The following KLRB1 variants were observed in gnomAD, a reference collection of about 807,000 sequenced individuals.
The protein encoded by KLRB1 is killer cell lectin like receptor B1, also known as killer cell lectin-like receptor subfamily B member 1.
KLRB1 carries 27 observed loss-of-function variants against 33.5 expected under a neutral mutation model. That is an observed-to-expected ratio of 0.81 (90% CI 0.59 to 1.11). KLRB1 has a LOEUF of 1.11. Among genes scored for constraint, KLRB1 ranks in the 50% most tolerant of loss-of-function variants. The pLI, the probability that KLRB1 is intolerant of heterozygous loss-of-function variation, is 0.00. For missense variants in KLRB1, 241 were observed against 254.1 expected, an observed-to-expected ratio of 0.95 and a Z score of 0.35; for synonymous variants, 64 against 88.9, an observed-to-expected ratio of 0.72 and a Z score of 1.58.
Position 9,595,064 on chromosome 12 carries a change from G to T in KLRB1, c.*210C>A. 1 of 535,922 alleles carries T rather than the reference G, an allele frequency of 1.9e-6. No homozygotes were observed. The allele number at this position is 535,922 out of a possible 1,614,324, so 33.2% of individuals were successfully genotyped here. ...AATATCACTGTTTCTTTAAAACGATGCACGTTTTTCTCTATGTCTCTGTTT... is the reference window on the plus strand; with the variant it reads ...AATATCACTGTTTCTTTAAAACGATTCACGTTTTTCTCTATGTCTCTGTTT... On this transcript the variant is annotated 3_prime_UTR_variant, in exon 6 of 6. Coordinates refer to ENST00000229402, the MANE Select transcript of KLRB1 (RefSeq NM_002258.3).
intron 1 of KLRB1, 96 bp from the exon 2 acceptor site, chr12:9,601,695 T>G: frequency 1.3e-6 from 1 of 760,312 alleles, no homozygotes; most frequent in Non-Finnish European, 2.3e-6. Context: ...AAAAATGTAC[T>G]TGGGATAACA....
Position 9,595,338 on chromosome 12 carries a change from T to A in KLRB1, c.614A>T (p.Glu205Val). The stretch of plus-strand genomic sequence containing the variant: ...TTCTTTTTGGCAGATCCATCTGATT[T>A]CTGTACTACAGTACTCAGAATACAC... ...TSVYSEYCST[E>V]IRWICQKELT... Residue 205 changes from glutamate (E) to valine (V), a missense_variant, in exon 6 of 6, where the codon GAA becomes GTA. Physicochemically the swap from Glu to Val is moderately radical, Grantham distance 121. Coordinates refer to ENST00000229402, the MANE Select transcript of KLRB1 (RefSeq NM_002258.3). 6.2e-7 allele frequency: 1 copy of A among 1,612,578 alleles called. No homozygotes were observed. Among genetic ancestry groups the A allele is most frequent in the South Asian group, 1.1e-5 (1 of 91,058 alleles).
chr12:9,599,209 A>G (rs1864518263), intron 3 of KLRB1, among the ~76,000 whole-genome samples: 1 of 152,228 alleles, frequency 6.6e-6, no homozygotes, highest in African/African-American at 2.4e-5. Context: ...AATGTGATCT[A>G]TTGGATAGAA....
At chr12:9,597,299 A>T (rs1427322478) in intron 5 of KLRB1, among the ~76,000 whole-genome samples, 5 of 152,216 alleles carry the variant, frequency 3.3e-5, no homozygotes, top group Non-Finnish European at 7.3e-5. Flanking sequence ...ACTCATTAAA[A>T]GTTCTTTACA....
chr12:9,600,760 G>A (rs991325344), intron 2 of KLRB1, among the ~76,000 whole-genome samples: 8 of 151,690 alleles, frequency 5.3e-5, no homozygotes, highest in Middle Eastern at 3.4e-3. Flanking sequence ...CAAAAACTGC[G>A]GAAGGCCGCA....
Position 9,595,352 on chromosome 12 carries a change from C to T in KLRB1, c.600G>A (p.Glu200=). The change falls in exon 6 of 6, where the codon GAG becomes GAA. Residue 200 remains glutamate, a synonymous_variant. Transcript: ENST00000229402. Reference sequence around the variant, plus strand: ...TCCATCTGATTTCTGTACTACAGTACTCAGAATACACAGATGTCTGTGAGA... The same window carrying T: ...TCCATCTGATTTCTGTACTACAGTATTCAGAATACACAGATGTCTGTGAGA... ...ISISQTSVYS[E]YCSTEIRWIC... is the part of the protein sequence containing the mutation. 6.2e-7 allele frequency: 1 copy of T among 1,611,322 alleles called. No individual in the cohort carries two copies. The highest frequency in any genetic ancestry group is 1.1e-5 in the South Asian group (1 of 91,026).
In KLRB1 at chr12:9,595,362, A is replaced by G. The variant is rs1418100607; in HGVS notation, c.590T>C (p.Val197Ala). The G allele has an allele frequency of 6.2e-7, 1 of 1,613,080 alleles. No homozygotes were observed. Among genetic ancestry groups the G allele is most frequent in the African/African-American group, 1.3e-5 (1 of 74,894 alleles). Residue 197 changes from valine (V) to alanine (A), a missense_variant, in exon 6 of 6, where the codon GTG (valine) becomes GCG (alanine). Val to Ala is a moderately conservative substitution (Grantham distance 64, BLOSUM62 0). Coordinates refer to ENST00000229402, the MANE Select transcript of KLRB1 (RefSeq NM_002258.3). ...TTCTGTACTACAGTACTCAGAATAC[A>G]CAGATGTCTGTGAGATGGAAATACA... ...NSCISISQTS[V>A]YSEYCSTEIR...
intron 2 of KLRB1, among the ~76,000 whole-genome samples, chr12:9,600,874 C>A (rs1363573232): frequency 1.3e-5 from 2 of 151,834 alleles, no homozygotes; most frequent in African/African-American, 4.8e-5. Context: ...GTCCCCCAGC[C>A]CGACACCCGT....
In KLRB1 at chr12:9,606,024, T is replaced by A. The variant is rs975767483; in HGVS notation, c.85+1731A>T. Among the ~76,000 whole-genome samples, 26 of 151,680 alleles carry A rather than the reference T, an allele frequency of 1.7e-4. 1 individual carries two copies. Among genetic ancestry groups the A allele is most frequent in the African/African-American group, 4.9e-4 (20 of 41,018 alleles). On this transcript the variant is annotated intron_variant, in intron 1 of 5. Coordinates refer to ENST00000229402, the MANE Select transcript of KLRB1 (RefSeq NM_002258.3). ...ACTTACTCTTTTCTTTAAAAAAAAA[T>A]GTTACTCAACCAAATCCTCCCTATA...
intron 1 of KLRB1, chr12:9,606,383 T>C (rs1285814965): frequency 2.0e-5 from 3 of 152,096 alleles, no homozygotes; most frequent in Non-Finnish European, 4.4e-5. Flanking sequence ...TTACCTCACA[T>C]TGGTGTTCCC....
rs1442606887 is a variant in KLRB1 at position 9,607,875 on chromosome 12, A to G, written c.-36T>C. The stretch of plus-strand genomic sequence containing the variant: ...GGAAGGTGGCATTAAACTTGTGTGT[A>G]AGAACAAACTCTCAATTCTGTGAGG... On this transcript the variant is annotated 5_prime_UTR_variant, in exon 1 of 6. Transcript: ENST00000229402. 1 of 1,420,448 alleles carries G rather than the reference A, an allele frequency of 7.0e-7. No homozygotes were observed. 88.0% of individuals were successfully genotyped at this position (1,420,448 alleles called of 1,614,324 possible).
chr12:9,597,190 G>T (rs1864499053), intron 5 of KLRB1, among the ~76,000 whole-genome samples: 1 of 151,984 alleles, frequency 6.6e-6, no homozygotes, highest in Non-Finnish European at 1.5e-5. Flanking sequence ...CTTGTTTTTT[G>T]AGTGACGGAA....
chr12:9,601,653 C>T, intron 1 of KLRB1, 54 bp from the exon 2 acceptor site: 1 of 1,237,586 alleles, frequency 8.1e-7, no homozygotes, highest in Middle Eastern at 1.9e-4. Context: ...AAACAAAAAA[C>T]CTTGGTTAAC....
rs549275337 is a variant in KLRB1, at chr12:9,598,426, G to A, written c.414+73C>T. 26 of 1,255,224 alleles carry A rather than the reference G, an allele frequency of 2.1e-5. No individual in the cohort carries two copies. The East Asian group carries it at 6.6e-4, about 32-fold the overall frequency. The allele number at this position is 1,255,224 out of a possible 1,614,324, so 77.8% of individuals were successfully genotyped here. On this transcript the variant is annotated intron_variant, in intron 4 of 5. Coordinates refer to ENST00000229402, the MANE Select transcript of KLRB1 (RefSeq NM_002258.3). The stretch of plus-strand genomic sequence containing the variant: ...CACTTCCATTGCATAAAACCCCTGG[G>A]CTAATGCACAGACATTAATATGGTT...
chr12:9,602,454 C>T (rs1565443069), intron 1 of KLRB1, among the ~76,000 whole-genome samples: 1 of 151,868 alleles, frequency 6.6e-6, no homozygotes, highest in Non-Finnish European at 1.5e-5. Flanking sequence ...TTTGGAGAAA[C>T]ACTGGGATAT....
intron 2 of KLRB1, among the ~76,000 whole-genome samples, chr12:9,600,061 C>G (rs10732550): frequency 0.89 from 134,757 of 151,798 alleles, 60,425 homozygotes; most frequent in East Asian, 0.99. Flanking sequence ...ACTCACACAG[C>G]CATTAGGTTG....
At chr12:9,607,355 C>CCTTCCTTCCTTT (rs1864625911) in intron 1 of KLRB1, among the ~76,000 whole-genome samples, 2 of 52,706 alleles carry the variant, frequency 3.8e-5, no homozygotes. Flanking sequence ...TTTCTTTCTT[C>CCTTCCTTCCTTT]CTTTCTTTCT....
At position 9,598,491 on chromosome 12, in the gene KLRB1, T is replaced by C. The variant is rs763261130; in HGVS notation, c.414+8A>G. ...AGTTTTATTAAGGTATTTTATTTAA[T>C]GATTTACCAATTCATCCTTATCTCG... On this transcript the variant is annotated splice_region_variant and intron_variant, in intron 4 of 5. Coordinates refer to ENST00000229402, the MANE Select transcript of KLRB1 (RefSeq NM_002258.3). 2.5e-6 allele frequency: 4 copies of C among 1,602,142 alleles called. No individual in the cohort carries two copies. In the East Asian group the frequency reaches 6.7e-5, roughly 27 times the overall value.
In KLRB1 at chr12:9,607,288, TTTTC is replaced by T. The variant is rs1158433525; in HGVS notation, c.85+463_85+466del. On this transcript the variant is annotated intron_variant, in intron 1 of 5. Transcript: ENST00000229402. ...TTTCCTTTCCTTTCTCTCTCTTTCT[TTTTC>T]TTTCTCTCCTTTCTTTCTTTCTTCT... is the stretch of plus-strand genomic sequence containing the variant. Among the ~76,000 whole-genome samples, 3 of 117,726 alleles carry T rather than the reference TTTTC, an allele frequency of 2.5e-5. 1 individual carries two copies. The highest frequency in any genetic ancestry group is 7.2e-5 in the African/African-American group (2 of 27,680). 77.2% of individuals were successfully genotyped at this position (117,726 alleles called of 152,430 possible). A position where few individuals can be genotyped will look rare whatever the true frequency, so the allele number is the denominator to read the frequency against.
Sources: gnomAD v4.1 joint callset for allele counts (sites outside exome capture counted in the v4.1 genomes callset) on GRCh38, gnomAD v4.1.1 for gene constraint, MANE v1.5 for transcripts, NCBI Gene and HGNC (gene_info 2026-07-23, HGNC 2026-07-21) for gene names.